The following NID2 variants were observed in gnomAD, a reference collection of about 807,000 sequenced individuals.
NID2 encodes the protein nidogen-2.
Under a neutral mutation model 145.4 loss-of-function variants are expected in NID2, and 83 were observed. The observed-to-expected ratio is 0.57, with a 90% CI of 0.48 to 0.69. NID2 has a LOEUF of 0.69. Ranked by LOEUF, NID2 falls within the 30% of genes least tolerant of loss-of-function variation. The probability of loss-of-function intolerance (pLI) is 0.00; values close to 1 mark genes in which losing one functional copy is unlikely to be tolerated. For missense variants in NID2, 1,807 were observed against 1,765.7 expected, an observed-to-expected ratio of 1.02 and a Z score of -0.42; for synonymous variants, 739 against 701.3, an observed-to-expected ratio of 1.05 and a Z score of -0.85.
chr14:52,045,368 G>A (rs1383609531), intron 5 of NID2, among the ~76,000 whole-genome samples: 1 of 152,176 alleles, frequency 6.6e-6, no homozygotes, highest in East Asian at 1.9e-4. Context: ...GTAGGTTCAA[G>A]TGGAAAATCT....
chr14:52,042,274 C>T lies in NID2; in HGVS notation c.1656G>A (p.Val552=), dbSNP rs774774579. The T allele has an allele frequency of 1.9e-6, 3 of 1,614,222 alleles. No individual in the cohort carries two copies. Among genetic ancestry groups the T allele is most frequent in the Non-Finnish European group, 2.5e-6 (3 of 1,180,052 alleles). The change falls in exon 7 of 22, where the codon GTG becomes GTA. Residue 552 remains valine (V), a synonymous_variant. Transcript: ENST00000216286. The part of the protein sequence containing the change: ...VGHTPVHFTD[V]DLHAYIVGND... ...TGCCCACGATATACGCATGCAGGTC[C>T]ACATCAGTGAAGTGCACGGGTGTAT...
intron 20 of NID2, 172 bp downstream of exon 20, chr14:52,006,365 G>T: frequency 1.5e-6 from 1 of 667,658 alleles, no homozygotes; most frequent in Non-Finnish European, 2.5e-6. Context: ...TCAAAAACAT[G>T]AAAGGATGAA....
chr14:52,012,668 A>G (rs1391765284), intron 16 of NID2, among the ~76,000 whole-genome samples: 1 of 150,414 alleles, frequency 6.6e-6, no homozygotes. Context: ...ACCTCTGGCT[A>G]GTGAGGTCTC....
chr14:52,052,974 A>G (rs1025918602), intron 5 of NID2, among the ~76,000 whole-genome samples: 1 of 152,228 alleles, frequency 6.6e-6, no homozygotes, highest in Non-Finnish European at 1.5e-5. Context: ...TCAGTGGGTC[A>G]TGAAATGAGG....
At position 52,038,842 on chromosome 14, in the gene NID2, G is replaced by T; in HGVS notation, c.2162C>A (p.Thr721Asn). ...GACCCGGTCCACGTTCAGCTGCTGGGTGGTGGGGAAGGACGGGTGTCTGGG... is the reference window on the plus strand; with the variant it reads ...GACCCGGTCCACGTTCAGCTGCTGGTTGGTGGGGAAGGACGGGTGTCTGGG... The part of the protein sequence containing the change: ...HAPRHPSFPT[T>N]QQLNVDRVFA... Residue 721 changes from threonine to asparagine, a missense_variant, in exon 9 of 22, where the codon ACC (threonine) becomes AAC (asparagine). Thr to Asn is a moderately conservative substitution (Grantham distance 65, BLOSUM62 0). Transcript: ENST00000216286. 6.2e-7 allele frequency: 1 copy of T among 1,614,110 alleles called. No individual in the cohort carries two copies. Among genetic ancestry groups the T allele is most frequent in the Non-Finnish European group, 8.5e-7 (1 of 1,180,010 alleles).
intron 14 of NID2, 151 bp downstream of exon 14, chr14:52,018,910 A>AC: frequency 3.2e-6 from 2 of 615,408 alleles, no homozygotes; most frequent in South Asian, 3.9e-5. Flanking sequence ...ACAAACATGC[A>AC]TATTTGTACG....
At chr14:52,014,178 C>T in intron 16 of NID2, 109 bp downstream of exon 16, 2 of 1,424,510 alleles carry the variant, frequency 1.4e-6, no homozygotes, top group Non-Finnish European at 2.0e-6. Flanking sequence ...GCTCAGAAAC[C>T]CTCCAGGACT....
At chr14:52,038,120 T>G (rs1487484737) in intron 9 of NID2, among the ~76,000 whole-genome samples, 7 of 152,196 alleles carry the variant, frequency 4.6e-5, no homozygotes, top group Non-Finnish European at 8.8e-5. Context: ...TGGCTAGAAA[T>G]TCTAGTACTG....
chr14:52,068,643 C>A, intron 1 of NID2, 124 bp downstream of exon 1: 1 of 844,914 alleles, frequency 1.2e-6, no homozygotes, highest in Non-Finnish European at 1.8e-6. Flanking sequence ...CCGGGTACCA[C>A]CGCAAGGGTG....
intron 9 of NID2, among the ~76,000 whole-genome samples, chr14:52,035,882 T>A (rs1257293598): frequency 1.0e-4 from 2 of 19,364 alleles, no homozygotes; most frequent in Non-Finnish European, 1.1e-4. Context: ...ATATATATGT[T>A]TTATTTTGTA....
intron 12 of NID2, among the ~76,000 whole-genome samples, chr14:52,024,678 C>T (rs1202762158): frequency 6.6e-6 from 1 of 152,036 alleles, no homozygotes; most frequent in Non-Finnish European, 1.5e-5. Context: ...GGGGGAAGCA[C>T]CTGATGGGTT....
chr14:52,022,718 C>T (rs1219384101), intron 12 of NID2, among the ~76,000 whole-genome samples: 1 of 152,212 alleles, frequency 6.6e-6, no homozygotes, highest in Admixed American at 6.5e-5. Context: ...GTTAAAAATC[C>T]TTCGAGTTCA....
chr14:52,062,873 T>G (rs138461353), intron 2 of NID2, among the ~76,000 whole-genome samples: 99 of 152,294 alleles, frequency 6.5e-4, no homozygotes, highest in African/African-American at 2.3e-3. Context: ...TTATTCAACA[T>G]CTTCTATATA....
chr14:52,064,390 G>A (rs1893118048), intron 2 of NID2, among the ~76,000 whole-genome samples: 2 of 152,214 alleles, frequency 1.3e-5, no homozygotes, highest in East Asian at 3.8e-4. Context: ...AGTGGTGACT[G>A]CAGAGTGCCA....
chr14:52,020,146 G>C lies in NID2; in HGVS notation c.2707C>G (p.Pro903Ala). 6.2e-7 allele frequency: 1 copy of C among 1,614,046 alleles called. No homozygotes were observed. ...GGAGTATTGTAGCAGGTAGCTGCAGGGTGACATCTGTTTTCTGAGCATTCA... is the reference window on the plus strand; with the variant it reads ...GGAGTATTGTAGCAGGTAGCTGCAGCGTGACATCTGTTTTCTGAGCATTCA... Reference protein sequence around the residue: ...VDECSENRCHPAATCYNTPGS... With the variant: ...VDECSENRCHAAATCYNTPGS... The change falls in exon 13 of 22, where the codon CCT (proline) becomes GCT (alanine). Residue 903 changes from proline to alanine, a missense_variant. Physicochemically the swap from Pro to Ala is conservative, Grantham distance 27. Coordinates refer to ENST00000216286, the MANE Select transcript of NID2 (RefSeq NM_007361.4).
chr14:52,033,393 ACAAC>A (rs981315209), intron 9 of NID2, among the ~76,000 whole-genome samples: 26 of 152,150 alleles, frequency 1.7e-4, no homozygotes, highest in African/African-American at 3.6e-4. Flanking sequence ...ACCCCACAAA[ACAAC>A]CAACCAACCA....
chr14:52,062,285 T>A (rs945443738), intron 2 of NID2, among the ~76,000 whole-genome samples: 1 of 152,268 alleles, frequency 6.6e-6, no homozygotes, highest in Admixed American at 6.5e-5. Flanking sequence ...TTTTCATTCA[T>A]TCAATTCACA....
At position 52,054,139 on chromosome 14, in the gene NID2, T is replaced by C; in HGVS notation, c.950A>G (p.Tyr317Cys). 2 of 1,614,184 alleles carry C rather than the reference T, an allele frequency of 1.2e-6. No individual in the cohort carries two copies. Among genetic ancestry groups the C allele is most frequent in the Non-Finnish European group, 1.7e-6 (2 of 1,180,022 alleles). Reference protein sequence around the residue: ...ESDYNEDNLDYYDVNEEEAEY... With the variant: ...ESDYNEDNLDCYDVNEEEAEY... ...AGCTTCCTCCTCATTCACATCATAGTAATCCAAATTGTCCTCATTATAGTC... is the reference window on the plus strand; with the variant it reads ...AGCTTCCTCCTCATTCACATCATAGCAATCCAAATTGTCCTCATTATAGTC... The change falls in exon 4 of 22, where the codon TAC (tyrosine) becomes TGC (cysteine). Residue 317 changes from tyrosine (Y) to cysteine (C), a missense_variant. Transcript: ENST00000216286.
chr14:52,057,240 G>C (rs530201488), intron 3 of NID2, among the ~76,000 whole-genome samples: 2 of 152,090 alleles, frequency 1.3e-5, no homozygotes, highest in East Asian at 3.9e-4. Flanking sequence ...ATTAGGTCTC[G>C]CTATGTTGCC....
Sources: gnomAD v4.1 joint callset for allele counts (sites outside exome capture counted in the v4.1 genomes callset) on GRCh38, gnomAD v4.1.1 for gene constraint, MANE v1.5 for transcripts, NCBI Gene and HGNC (gene_info 2026-07-23, HGNC 2026-07-21) for gene names.